Variants in ENTREP2 observed in about 807,000 individuals in gnomAD.
The protein encoded by ENTREP2 is endosomal transmembrane epsin interactor 2, also known as protein ENTREP2.
the ENTREP2 span, among the ~76,000 whole-genome samples, chr15:29,450,256 A>G: frequency 2.1e-4 from 32 of 152,194 alleles, no homozygotes; most frequent in East Asian, 9.6e-4. Flanking sequence ...ATTATGTACC[A>G]TTTGTCAATT....
chr15:29,256,139 G>A, the ENTREP2 span, among the ~76,000 whole-genome samples: 2 of 152,052 alleles, frequency 1.3e-5, no homozygotes, highest in Non-Finnish European at 2.9e-5. Flanking sequence ...TAAACTTTGG[G>A]TACACACAGA....
chr15:29,626,937 G>A, the ENTREP2 span, among the ~76,000 whole-genome samples: 1 of 152,118 alleles, frequency 6.6e-6, no homozygotes, highest in Admixed American at 6.6e-5. Flanking sequence ...CCAGTCTTGA[G>A]ATAATTTTGT....
At chr15:29,144,804 C>A in the ENTREP2 span, among the ~76,000 whole-genome samples, 1 of 152,106 alleles carries the variant, frequency 6.6e-6, no homozygotes, top group East Asian at 1.9e-4. Context: ...CTCTGGGAGG[C>A]TGAGGCGGCT....
the ENTREP2 span, among the ~76,000 whole-genome samples, chr15:29,537,799 C>T: frequency 6.6e-6 from 1 of 152,114 alleles, no homozygotes; most frequent in African/African-American, 2.4e-5. Flanking sequence ...ATGGGGATCC[C>T]TGTCCCATCA....
At chr15:29,447,429 G>C in the ENTREP2 span, among the ~76,000 whole-genome samples, 1 of 152,182 alleles carries the variant, frequency 6.6e-6, no homozygotes, top group African/African-American at 2.4e-5. Flanking sequence ...CTGTGTGTCT[G>C]ACTGGGCTAG....
chr15:29,412,046 T>C, the ENTREP2 span, among the ~76,000 whole-genome samples: 1 of 152,172 alleles, frequency 6.6e-6, no homozygotes, highest in Non-Finnish European at 1.5e-5. Context: ...TGACTTTCCT[T>C]GGCCTATGGC....
At chr15:29,490,859 C>T in the ENTREP2 span, among the ~76,000 whole-genome samples, 2 of 152,220 alleles carry the variant, frequency 1.3e-5, no homozygotes, top group African/African-American at 4.8e-5. Flanking sequence ...GCCAGTCCCA[C>T]TCCAGGCGCC....
At chr15:29,168,469 C>T in the ENTREP2 span, among the ~76,000 whole-genome samples, 2 of 152,126 alleles carry the variant, frequency 1.3e-5, no homozygotes, top group South Asian at 2.1e-4. Flanking sequence ...AAATTTTCCA[C>T]GAAATTTCTA....
At chr15:29,174,282 AACG>A in the ENTREP2 span, among the ~76,000 whole-genome samples, 1 of 152,168 alleles carries the variant, frequency 6.6e-6, no homozygotes, top group African/African-American at 2.4e-5. Flanking sequence ...CATGTATCAG[AACG>A]ACAACTCATT....
the ENTREP2 span, among the ~76,000 whole-genome samples, chr15:29,587,945 C>T: frequency 6.6e-6 from 1 of 152,178 alleles, no homozygotes; most frequent in Non-Finnish European, 1.5e-5. Flanking sequence ...AGGTGTGAGC[C>T]ACCACGCCCG....
At chr15:29,623,029 T>C in the ENTREP2 span, among the ~76,000 whole-genome samples, 1 of 152,222 alleles carries the variant, frequency 6.6e-6, no homozygotes, top group South Asian at 2.1e-4. Context: ...GTTCCTAGTG[T>C]AGCAGTTAAA....
the ENTREP2 span, among the ~76,000 whole-genome samples, chr15:29,322,795 T>G: frequency 2.0e-5 from 3 of 152,202 alleles, no homozygotes; most frequent in Non-Finnish European, 2.9e-5. Context: ...TGCCCACTTT[T>G]CCCCTTTAAA....
At chr15:29,581,628 G>A in the ENTREP2 span, among the ~76,000 whole-genome samples, 2 of 151,962 alleles carry the variant, frequency 1.3e-5, no homozygotes, top group Non-Finnish European at 2.9e-5. Context: ...TGAATTGCAA[G>A]AGTCAACATA....
the ENTREP2 span, among the ~76,000 whole-genome samples, chr15:29,523,771 T>G: frequency 2.0e-5 from 3 of 151,896 alleles, no homozygotes; most frequent in African/African-American, 7.3e-5. Flanking sequence ...GAGTGTCAAG[T>G]CAGTATAATG....
the ENTREP2 span, among the ~76,000 whole-genome samples, chr15:29,275,399 C>T: frequency 6.6e-6 from 1 of 152,216 alleles, no homozygotes; most frequent in African/African-American, 2.4e-5. Context: ...CAGCTATGCA[C>T]ATTCACATGT....
chr15:29,177,302 G>A, the ENTREP2 span, among the ~76,000 whole-genome samples: 1 of 152,138 alleles, frequency 6.6e-6, no homozygotes, highest in Non-Finnish European at 1.5e-5. Flanking sequence ...CCTCATCCAC[G>A]GGAAGGACAG....
At chr15:29,213,600 T>C in the ENTREP2 span, among the ~76,000 whole-genome samples, 1 of 152,152 alleles carries the variant, frequency 6.6e-6, no homozygotes, top group African/African-American at 2.4e-5. Flanking sequence ...TTGTCTGTTA[T>C]TGGTGTATAA....
chr15:29,590,467 G>A, the ENTREP2 span, among the ~76,000 whole-genome samples: 2 of 152,012 alleles, frequency 1.3e-5, no homozygotes, highest in Admixed American at 6.6e-5. Context: ...CAGATCACCT[G>A]AGGTCAGGAG....
At chr15:29,607,256 T>G in the ENTREP2 span, among the ~76,000 whole-genome samples, 1 of 152,084 alleles carries the variant, frequency 6.6e-6, no homozygotes, top group Non-Finnish European at 1.5e-5. Flanking sequence ...ATATGTACAA[T>G]AGCCTTCAAT....
Sources: allele counts gnomAD v4.1 joint callset (sites outside exome capture counted in the v4.1 genomes callset), GRCh38; gene constraint gnomAD v4.1.1; transcripts MANE v1.5; gene names NCBI Gene and HGNC (gene_info 2026-07-23, HGNC 2026-07-21).